STX8: variants seen among roughly 807,000 people sequenced by gnomAD.
STX8 encodes syntaxin 8.
In STX8, 23 loss-of-function variants were observed where a neutral mutation model predicts 37.5. The observed-to-expected ratio is 0.61, with a 90% confidence interval of 0.44 to 0.87. The LOEUF is 0.87. Among genes scored for constraint, STX8 ranks in the 40% least tolerant of loss-of-function variants. STX8 has a pLI of 0.00. For synonymous variants in STX8, 115 were observed against 99.1 expected, an observed-to-expected ratio of 1.16 and a Z score of -0.95; for missense variants, 313 against 284.7, an observed-to-expected ratio of 1.10 and a Z score of -0.71.
chr17:9,391,980 G>C (rs901151370), intron 6 of STX8, among the ~76,000 whole-genome samples: 3 of 152,142 alleles, frequency 2.0e-5, no homozygotes, highest in African/African-American at 7.2e-5. Context: ...TGAACTACAG[G>C]AGAGAAAACC....
At chr17:9,340,649 A>ATTTTTTTTTTTTTTT (rs66679333) in intron 7 of STX8, among the ~76,000 whole-genome samples, 3 of 62,108 alleles carry the variant, frequency 4.8e-5, no homozygotes, top group Non-Finnish European at 5.4e-5. Context: ...GTTGCACTTG[A>ATTTTTTTTTTTTTTT]TTTTTTTTTT....
intron 7 of STX8, among the ~76,000 whole-genome samples, chr17:9,333,755 G>GT (rs1567787898): frequency 7.0e-6 from 1 of 142,912 alleles, no homozygotes; most frequent in East Asian, 1.9e-4. Context: ...ACACACACAT[G>GT]TTTTTTAAAA....
At chr17:9,390,925 T>C (rs897880563) in intron 6 of STX8, among the ~76,000 whole-genome samples, 1 of 151,774 alleles carries the variant, frequency 6.6e-6, no homozygotes, top group Admixed American at 6.6e-5. Flanking sequence ...TGTAATCTGA[T>C]TGCTGGAGCA....
Position 9,427,239 on chromosome 17 carries a change from T to C in STX8, c.542-48586A>G, listed in dbSNP as rs939279133. 6.6e-5 allele frequency among the ~76,000 whole-genome samples: 10 copies of C among 152,070 alleles called. No individual in the cohort carries two copies. The East Asian group carries it at 1.5e-3, about 23-fold the overall frequency. ...GGCAGACCCGTTCCCAGGTGGCCCATGAGATCTATCACACCATGTCACAGG... is the reference window on the plus strand; with the variant it reads ...GGCAGACCCGTTCCCAGGTGGCCCACGAGATCTATCACACCATGTCACAGG... On this transcript the variant is annotated intron_variant, in intron 6 of 7. Transcript: ENST00000306357.
chr17:9,308,386 C>A (rs1032847901), intron 7 of STX8, among the ~76,000 whole-genome samples: 7 of 152,172 alleles, frequency 4.6e-5, no homozygotes, highest in African/African-American at 1.7e-4. Flanking sequence ...ATTATTTCTA[C>A]GTTTTGAGGG....
intron 6 of STX8, among the ~76,000 whole-genome samples, chr17:9,465,620 G>T (rs563266194): frequency 1.3e-5 from 2 of 152,272 alleles, no homozygotes; most frequent in Non-Finnish European, 2.9e-5. Context: ...TTGAGAAAAG[G>T]CGAGTTCAAA....
At chr17:9,426,829 C>T (rs1358894975) in intron 6 of STX8, among the ~76,000 whole-genome samples, 1 of 152,118 alleles carries the variant, frequency 6.6e-6, no homozygotes, top group Non-Finnish European at 1.5e-5. Flanking sequence ...AGGTTTTACA[C>T]TGAGCAAACA....
At chr17:9,379,244 C>CA (rs34928127) in intron 6 of STX8, among the ~76,000 whole-genome samples, 2,173 of 76,278 alleles carry the variant, frequency 0.028, 26 homozygotes, top group Non-Finnish European at 0.031. Flanking sequence ...GACTCCATCT[C>CA]AAAAAAAAAA....
intron 6 of STX8, among the ~76,000 whole-genome samples, chr17:9,435,194 G>A (rs1196773850): frequency 6.6e-6 from 1 of 152,206 alleles, no homozygotes; most frequent in Non-Finnish European, 1.5e-5. Flanking sequence ...TGTGGGGAAA[G>A]ATACTGAGCC....
At chr17:9,413,692 G>A (rs1913053678) in intron 6 of STX8, among the ~76,000 whole-genome samples, 1 of 152,018 alleles carries the variant, frequency 6.6e-6, no homozygotes, top group East Asian at 1.9e-4. Context: ...TATATCCACA[G>A]AATAAATAGG....
intron 7 of STX8, among the ~76,000 whole-genome samples, chr17:9,339,550 AG>A (rs978575116): frequency 2.0e-5 from 3 of 152,078 alleles, no homozygotes; most frequent in African/African-American, 7.2e-5. Context: ...GCTACTTGGG[AG>A]GCTGAGGCAG....
At chr17:9,491,807 T>C in intron 6 of STX8, 22 bp downstream of exon 6, 4 of 1,591,504 alleles carry the variant, frequency 2.5e-6, no homozygotes, top group African/African-American at 2.7e-5. Context: ...GCAAATCTGG[T>C]CAATCCCAGA....
At chr17:9,341,580 G>A (rs184979383) in intron 7 of STX8, among the ~76,000 whole-genome samples, 296 of 152,262 alleles carry the variant, frequency 1.9e-3, no homozygotes, top group African/African-American at 6.7e-3. Context: ...GGGATTACAG[G>A]CATGTGCCAC....
intron 7 of STX8, among the ~76,000 whole-genome samples, chr17:9,317,743 G>C (rs948724545): frequency 6.6e-6 from 1 of 151,324 alleles, no homozygotes; most frequent in East Asian, 1.9e-4. Context: ...TCCAGCCTGG[G>C]TGACAGTGAG....
At chr17:9,538,816 A>G (rs192181909) in intron 4 of STX8, among the ~76,000 whole-genome samples, 2 of 152,054 alleles carry the variant, frequency 1.3e-5, no homozygotes, top group South Asian at 2.1e-4. Context: ...AGTTAATCAC[A>G]TAATCTTTGA....
At chr17:9,358,690 C>G (rs1910961839) in intron 7 of STX8, among the ~76,000 whole-genome samples, 1 of 152,138 alleles carries the variant, frequency 6.6e-6, no homozygotes, top group South Asian at 2.1e-4. Flanking sequence ...GCTAGGAATG[C>G]TGGCTGAAGG....
intron 6 of STX8, among the ~76,000 whole-genome samples, chr17:9,379,882 C>T (rs1182722891): frequency 1.3e-5 from 2 of 151,444 alleles, no homozygotes; most frequent in African/African-American, 2.4e-5. Flanking sequence ...GCAGGAGAAT[C>T]GCTTGAACCA....
rs189941585 is a variant in STX8 at position 9,303,277 on chromosome 17, G to A, written c.644-52632C>T. 1.8e-3 allele frequency among the ~76,000 whole-genome samples: 280 copies of A among 152,264 alleles called. 1 individual carries two copies. Among genetic ancestry groups the A allele is most frequent in the African/African-American group, 6.5e-3 (268 of 41,548 alleles). On this transcript the variant is annotated intron_variant, in intron 7 of 7. Transcript: ENST00000306357. ...CTGCACTCCGGCCTGGCGACAGAGC[G>A]AGACTCTGTCTCAAATAAATAAATA...
chr17:9,267,490 C>T (rs1285862985), intron 7 of STX8, among the ~76,000 whole-genome samples: 4 of 152,198 alleles, frequency 2.6e-5, no homozygotes, highest in Non-Finnish European at 4.4e-5. Context: ...TGTTGTGTGA[C>T]ACCACAGCAC....
Sources: gnomAD v4.1 joint callset for allele counts (sites outside exome capture counted in the v4.1 genomes callset) on GRCh38, gnomAD v4.1.1 for gene constraint, MANE v1.5 for transcripts, NCBI Gene and HGNC (gene_info 2026-07-23, HGNC 2026-07-21) for gene names.